Variants in LHCGR observed in about 807,000 individuals in gnomAD.
LHCGR encodes the protein lutropin-choriogonadotropic hormone receptor.
In LHCGR, 55 loss-of-function variants were observed where a neutral mutation model predicts 60.7. That is an observed-to-expected ratio of 0.91 (90% CI 0.73 to 1.13). The LOEUF (loss-of-function observed/expected upper bound fraction) is 1.13, where lower values mean the gene tolerates loss of function less well. LHCGR is among the 50% of genes most tolerant of loss of function. The pLI, the probability that LHCGR is intolerant of heterozygous loss-of-function variation, is 0.00. For synonymous variants in LHCGR, 337 were observed against 316.5 expected, an observed-to-expected ratio of 1.06 and a Z score of -0.69; for missense variants, 862 against 836.0, an observed-to-expected ratio of 1.03 and a Z score of -0.38.
In LHCGR at chr2:48,690,669, G is replaced by A. The variant is rs549155245; in HGVS notation, c.948-1820C>T. Among the ~76,000 whole-genome samples, 217 of 152,228 alleles carry A rather than the reference G, an allele frequency of 1.4e-3. 1 individual carries two copies. Among genetic ancestry groups the A allele is most frequent in the African/African-American group, 4.9e-3 (203 of 41,528 alleles). On this transcript the variant is annotated intron_variant, in intron 10 of 10. Coordinates refer to ENST00000294954, the MANE Select transcript of LHCGR (RefSeq NM_000233.4). ...TTCTTCTTTTCCTCATCTCTCTGGTGAATTCCTCCTCATCTGTAAAGATAA... is the reference window on the plus strand; with the variant it reads ...TTCTTCTTTTCCTCATCTCTCTGGTAAATTCCTCCTCATCTGTAAAGATAA...
At chr2:48,695,132 T>C (rs981672109) in intron 9 of LHCGR, among the ~76,000 whole-genome samples, 3 of 152,158 alleles carry the variant, frequency 2.0e-5, no homozygotes, top group Non-Finnish European at 4.4e-5. Context: ...CATTTTTTAA[T>C]GGGATTATTT....
intron 10 of LHCGR, among the ~76,000 whole-genome samples, chr2:48,689,289 C>A (rs1680085381): frequency 1.3e-5 from 2 of 152,072 alleles, no homozygotes; most frequent in Admixed American, 6.5e-5. Context: ...TTTAGAAAGA[C>A]AATCTATGCT....
intron 8 of LHCGR, among the ~76,000 whole-genome samples, chr2:48,701,411 C>T (rs781250836): frequency 6.6e-6 from 1 of 152,174 alleles, no homozygotes; most frequent in Admixed American, 6.5e-5. Flanking sequence ...CCATATTGGC[C>T]TCCTTGCTGT....
At chr2:48,743,079 A>T (rs1476700765) in intron 1 of LHCGR, among the ~76,000 whole-genome samples, 1 of 152,256 alleles carries the variant, frequency 6.6e-6, no homozygotes, top group Middle Eastern at 3.2e-3. Context: ...ATGCAAATAA[A>T]CTAGAAAATC....
At chr2:48,704,548 C>A (rs540329541) in intron 8 of LHCGR, among the ~76,000 whole-genome samples, 4 of 152,118 alleles carry the variant, frequency 2.6e-5, no homozygotes, top group Non-Finnish European at 5.9e-5. Context: ...AGGCTATTAA[C>A]TATTGCCTCA....
At chr2:48,716,488 T>C (rs917558662) in intron 6 of LHCGR, among the ~76,000 whole-genome samples, 6 of 152,096 alleles carry the variant, frequency 3.9e-5, no homozygotes, top group South Asian at 2.1e-4. Context: ...CAGATGATGA[T>C]AAAGCAATGG....
intron 8 of LHCGR, among the ~76,000 whole-genome samples, chr2:48,703,233 C>T (rs1024834495): frequency 6.6e-6 from 1 of 152,196 alleles, no homozygotes; most frequent in East Asian, 1.9e-4. Flanking sequence ...TGCCTGTTTA[C>T]TCTGCTGATA....
chr2:48,750,546 A>C (rs1669913717), intron 1 of LHCGR, among the ~76,000 whole-genome samples: 1 of 152,228 alleles, frequency 6.6e-6, no homozygotes, highest in African/African-American at 2.4e-5. Context: ...CAGAACCTAT[A>C]GCATTTTCTC....
intron 3 of LHCGR, among the ~76,000 whole-genome samples, chr2:48,726,944 C>T: frequency 6.6e-6 from 1 of 152,152 alleles, no homozygotes; most frequent in East Asian, 1.9e-4. Flanking sequence ...GTTTTTCTGA[C>T]CCTCAGTTTA....
intron 1 of LHCGR, among the ~76,000 whole-genome samples, chr2:48,746,962 G>A (rs1369767939): frequency 6.6e-6 from 1 of 151,902 alleles, no homozygotes; most frequent in Non-Finnish European, 1.5e-5. Flanking sequence ...TTGCAGATAT[G>A]CTTCAGGAAG....
intron 1 of LHCGR, among the ~76,000 whole-genome samples, chr2:48,735,457 A>G (rs922930887): frequency 6.6e-6 from 1 of 152,198 alleles, no homozygotes; most frequent in Admixed American, 6.5e-5. Flanking sequence ...TCCATCTAGG[A>G]GTAGGGCTTC....
chr2:48,700,189 G>A (rs946657191), intron 8 of LHCGR, among the ~76,000 whole-genome samples: 2 of 152,172 alleles, frequency 1.3e-5, no homozygotes, highest in African/African-American at 4.8e-5. Context: ...AGACATGTTA[G>A]GGATTGAGCT....
chr2:48,741,610 G>A (rs1005572564), intron 1 of LHCGR, among the ~76,000 whole-genome samples: 4 of 151,612 alleles, frequency 2.6e-5, no homozygotes, highest in African/African-American at 9.7e-5. Context: ...AAGTGAAGGA[G>A]AAATAAAATA....
chr2:48,699,100 A>G (rs1667276138), intron 8 of LHCGR, among the ~76,000 whole-genome samples: 2 of 152,168 alleles, frequency 1.3e-5, no homozygotes, highest in South Asian at 4.1e-4. Flanking sequence ...CTGGGATTAC[A>G]GGCATGAGCC....
chr2:48,687,883 C>T lies in LHCGR; in HGVS notation c.1914G>A (p.Leu638=), dbSNP rs1310178968. The change falls in exon 11 of 11, where the codon CTG becomes CTA. Residue 638 remains leucine, a synonymous_variant. Coordinates refer to ENST00000294954, the MANE Select transcript of LHCGR (RefSeq NM_000233.4). ...GACGTTTACAGCAGCCAAATTTGCT[C>T]AGCAAAAGAAAGAAATCTCTTTGGA... is the stretch of plus-strand genomic sequence containing the variant. ...KTFQRDFFLL[L]SKFGCCKRRA... 1.9e-6 allele frequency: 3 copies of T among 1,614,048 alleles called. No individual in the cohort carries two copies. Among genetic ancestry groups the T allele is most frequent in the East Asian group, 4.5e-5 (2 of 44,878 alleles).
At chr2:48,754,582 C>G (rs901052196) in intron 1 of LHCGR, among the ~76,000 whole-genome samples, 2 of 151,918 alleles carry the variant, frequency 1.3e-5, no homozygotes, top group African/African-American at 4.8e-5. Flanking sequence ...TCTAATTTTA[C>G]AAAAATTTCA....
intron 1 of LHCGR, among the ~76,000 whole-genome samples, chr2:48,742,682 C>T (rs1290387781): frequency 6.6e-6 from 1 of 152,016 alleles, no homozygotes; most frequent in Non-Finnish European, 1.5e-5. Flanking sequence ...CTCTGGGACG[C>T]ATTCAAAGCA....
At chr2:48,725,653 G>T (rs1450411871) in intron 4 of LHCGR, 23 bp downstream of exon 4, 22 of 1,571,792 alleles carry the variant, frequency 1.4e-5, no homozygotes, top group Non-Finnish European at 1.9e-5. Context: ...CTCCCCAATT[G>T]CTTAAAAAGG....
chr2:48,741,967 C>T (rs989774330), intron 1 of LHCGR, among the ~76,000 whole-genome samples: 3 of 152,218 alleles, frequency 2.0e-5, no homozygotes, highest in Non-Finnish European at 2.9e-5. Flanking sequence ...CAGAGACACA[C>T]ATAGGTTCAA....
Sources: allele counts gnomAD v4.1 joint callset (sites outside exome capture counted in the v4.1 genomes callset), GRCh38; gene constraint gnomAD v4.1.1; transcripts MANE v1.5; gene names NCBI Gene and HGNC (gene_info 2026-07-23, HGNC 2026-07-21).